Variants in TBX15 observed in about 807,000 individuals in gnomAD.
TBX15 encodes the protein T-box transcription factor 15, also known as T-box transcription factor TBX15.
TBX15 carries 18 observed loss-of-function variants against 53.9 expected under a neutral mutation model. The ratio of observed to expected loss-of-function variants is 0.33; its 90% CI spans 0.23 to 0.49. The LOEUF (loss-of-function observed/expected upper bound fraction) is 0.49, where lower values mean the gene tolerates loss of function less well. TBX15 is among the 20% of genes least tolerant of loss of function. The pLI, the probability that TBX15 is intolerant of heterozygous loss-of-function variation, is 0.98. For missense variants in TBX15, 692 were observed against 749.5 expected (o/e 0.92, Z 0.90); for synonymous variants, 295 against 278.0 (o/e 1.06, Z -0.61).
At chr1:118,932,766 T>C (rs570945180) in intron 1 of TBX15, among the ~76,000 whole-genome samples, 1 of 152,180 alleles carries the variant, frequency 6.6e-6, no homozygotes, top group Non-Finnish European at 1.5e-5. Context: ...GAAGATTTAC[T>C]GGAATTTTAA....
intron 2 of TBX15, among the ~76,000 whole-genome samples, chr1:118,930,165 G>A (rs1294824470): frequency 6.6e-6 from 1 of 152,102 alleles, no homozygotes; most frequent in East Asian, 1.9e-4. Context: ...ATATCTTATT[G>A]TTTTGGGAGG....
Position 118,931,665 on chromosome 1 carries a change from G to T in TBX15, c.373C>A (p.Arg125=), listed in dbSNP as rs751637190. 1.5e-5 allele frequency: 24 copies of T among 1,614,072 alleles called. No homozygotes were observed. The South Asian group carries it at 2.4e-4, about 16-fold the overall frequency. Residue 125 remains arginine (R), a synonymous_variant, in exon 2 of 8, where the codon CGG becomes AGG. Coordinates refer to ENST00000369429, the MANE Select transcript of TBX15 (RefSeq NM_001330677.2). ...VELQCADLWK[R]FHDIGTEMII... ...ATTTCAGTTCCAATATCATGGAACC[G>T]CTTCCAGAGGTCAGCACATTGCAGC...
intron 6 of TBX15, among the ~76,000 whole-genome samples, chr1:118,900,381 A>G (rs754613977): frequency 1.3e-5 from 2 of 152,210 alleles, no homozygotes; most frequent in Non-Finnish European, 2.9e-5. Flanking sequence ...ATTTTATTTT[A>G]GGTGAGAACA....
At chr1:118,889,761 A>C (rs1654073508) in intron 7 of TBX15, among the ~76,000 whole-genome samples, 1 of 152,034 alleles carries the variant, frequency 6.6e-6, no homozygotes, top group East Asian at 1.9e-4. Flanking sequence ...AGTATACATT[A>C]CAAAGTGCTC....
At chr1:118,903,051 C>T (rs538417161) in intron 6 of TBX15, among the ~76,000 whole-genome samples, 11 of 152,168 alleles carry the variant, frequency 7.2e-5, no homozygotes, top group Admixed American at 1.3e-4. Flanking sequence ...CAATCAGAGA[C>T]GGTCAAGTTG....
intron 1 of TBX15, among the ~76,000 whole-genome samples, chr1:118,946,250 T>C (rs1656344922): frequency 6.6e-6 from 1 of 152,136 alleles, no homozygotes; most frequent in Non-Finnish European, 1.5e-5. Context: ...TGAATATTTT[T>C]ATAAAGAAAA....
At chr1:118,889,251 A>G (rs1654052507) in intron 7 of TBX15, among the ~76,000 whole-genome samples, 1 of 152,258 alleles carries the variant, frequency 6.6e-6, no homozygotes, top group African/African-American at 2.4e-5. Context: ...TTCATTTTGC[A>G]GAGAACAAAC....
chr1:118,909,242 G>A (rs1654947197), intron 6 of TBX15, among the ~76,000 whole-genome samples: 1 of 152,334 alleles, frequency 6.6e-6, no homozygotes, highest in African/African-American at 2.4e-5. Context: ...ATGCCATGGA[G>A]ACCAGAATAC....
chr1:118,958,657 C>T (rs1283911078), intron 1 of TBX15, among the ~76,000 whole-genome samples: 2 of 152,112 alleles, frequency 1.3e-5, no homozygotes, highest in Admixed American at 6.5e-5. Flanking sequence ...AATATCCTTC[C>T]ATATTCCCAC....
chr1:118,947,092 C>G (rs1363606665), intron 1 of TBX15, among the ~76,000 whole-genome samples: 1 of 152,228 alleles, frequency 6.6e-6, no homozygotes, highest in Non-Finnish European at 1.5e-5. Context: ...CTCATGTCCT[C>G]TAAGGCAATG....
At chr1:118,890,588 A>G (rs532510667) in intron 7 of TBX15, among the ~76,000 whole-genome samples, 105 of 152,202 alleles carry the variant, frequency 6.9e-4, no homozygotes, top group Non-Finnish European at 1.3e-3. Flanking sequence ...ACCAAAAAGG[A>G]TACGTTTAGC....
chr1:118,946,398 G>C (rs1656347880), intron 1 of TBX15, among the ~76,000 whole-genome samples: 1 of 152,016 alleles, frequency 6.6e-6, no homozygotes, highest in African/African-American at 2.4e-5. Flanking sequence ...TGCTTTTCTG[G>C]GGCAAGGATG....
chr1:118,927,798 A>G (rs1452646064), intron 2 of TBX15, among the ~76,000 whole-genome samples: 4 of 152,238 alleles, frequency 2.6e-5, no homozygotes, highest in African/African-American at 9.6e-5. Context: ...TTCTTTAACC[A>G]TAAGAAAGAA....
chr1:118,924,527 T>C (rs1382810240), intron 4 of TBX15, 119 bp downstream of exon 4: 41 of 1,201,842 alleles, frequency 3.4e-5, no homozygotes, highest in Non-Finnish European at 4.7e-5. Context: ...TTACTTAAAA[T>C]TACTTAAAGT....
At chr1:118,902,728 C>G (rs983002084) in intron 6 of TBX15, among the ~76,000 whole-genome samples, 1 of 152,104 alleles carries the variant, frequency 6.6e-6, no homozygotes, top group South Asian at 2.1e-4. Context: ...TCAGCAGAGT[C>G]TGAGTTCCCT....
intron 7 of TBX15, among the ~76,000 whole-genome samples, chr1:118,885,839 G>A (rs1230873421): frequency 6.6e-6 from 1 of 152,112 alleles, no homozygotes; most frequent in African/African-American, 2.4e-5. Context: ...CAAGATTCAC[G>A]TTGCCATTTC....
intron 1 of TBX15, among the ~76,000 whole-genome samples, chr1:118,962,591 T>C (rs1656915595): frequency 1.3e-5 from 2 of 152,176 alleles, no homozygotes; most frequent in South Asian, 2.1e-4. Flanking sequence ...TAATCAATTA[T>C]GAAATACTAG....
intron 6 of TBX15, among the ~76,000 whole-genome samples, chr1:118,913,128 T>G (rs960590019): frequency 2.6e-5 from 4 of 152,220 alleles, no homozygotes; most frequent in African/African-American, 9.6e-5. Context: ...ACAAAATGGT[T>G]TGAAATAAAA....
At chr1:118,918,315 C>A (rs565480826) in intron 5 of TBX15, among the ~76,000 whole-genome samples, 4 of 152,044 alleles carry the variant, frequency 2.6e-5, no homozygotes, top group South Asian at 4.2e-4. Context: ...TTAAGCAGAA[C>A]CTAGTGTGAC....
Sources: gnomAD v4.1 joint callset for allele counts (sites outside exome capture counted in the v4.1 genomes callset) on GRCh38, gnomAD v4.1.1 for gene constraint, MANE v1.5 for transcripts, NCBI Gene and HGNC (gene_info 2026-07-23, HGNC 2026-07-21) for gene names.